FBXL7: variants seen among roughly 807,000 people sequenced by gnomAD.
The protein encoded by FBXL7 is F-box/LRR-repeat protein 7.
In FBXL7, 12 loss-of-function variants were observed where a neutral mutation model predicts 38.3. The ratio of observed to expected loss-of-function variants is 0.31; its 90% CI spans 0.20 to 0.51. The LOEUF (loss-of-function observed/expected upper bound fraction) is 0.51. Among genes scored for constraint, FBXL7 ranks in the 20% least tolerant of loss-of-function variants. FBXL7 has a pLI of 0.98. For missense variants in FBXL7, 567 were observed against 676.4 expected, an observed-to-expected ratio of 0.84 and a Z score of 1.79; for synonymous variants, 297 against 300.9, an observed-to-expected ratio of 0.99 and a Z score of 0.13.
intron 2 of FBXL7, among the ~76,000 whole-genome samples, chr5:15,861,844 C>T (rs1310084460): frequency 6.6e-6 from 1 of 152,180 alleles, no homozygotes; most frequent in African/African-American, 2.4e-5. Flanking sequence ...TTATATCCGC[C>T]ATATTCCAAC....
At chr5:15,524,597 T>C (rs1390737725) in intron 1 of FBXL7, among the ~76,000 whole-genome samples, 1 of 152,224 alleles carries the variant, frequency 6.6e-6, no homozygotes, top group Non-Finnish European at 1.5e-5. Context: ...TTTACAGAGT[T>C]AGTTTTTTAT....
intron 2 of FBXL7, among the ~76,000 whole-genome samples, chr5:15,645,989 T>C (rs1741518690): frequency 6.6e-6 from 1 of 152,204 alleles, no homozygotes; most frequent in Non-Finnish European, 1.5e-5. Flanking sequence ...TTGGAGTCAT[T>C]GAGGTTTAAT....
intron 2 of FBXL7, among the ~76,000 whole-genome samples, chr5:15,819,977 T>C (rs1034032187): frequency 1.3e-5 from 2 of 152,114 alleles, no homozygotes; most frequent in Admixed American, 6.6e-5. Context: ...CAAAACAATA[T>C]TGGGAGGCCA....
intron 2 of FBXL7, among the ~76,000 whole-genome samples, chr5:15,827,349 A>G (rs182641936): frequency 6.6e-6 from 1 of 152,160 alleles, no homozygotes; most frequent in Admixed American, 6.5e-5. Flanking sequence ...TTAAAACAGA[A>G]ATCTTCATTT....
At chr5:15,922,787 A>C (rs1369780010) in intron 2 of FBXL7, among the ~76,000 whole-genome samples, 1 of 152,232 alleles carries the variant, frequency 6.6e-6, no homozygotes, top group Admixed American at 6.5e-5. Flanking sequence ...GCTAATTTTC[A>C]TATAAATGTA....
At chr5:15,839,837 C>T (rs1008816908) in intron 2 of FBXL7, among the ~76,000 whole-genome samples, 1 of 152,100 alleles carries the variant, frequency 6.6e-6, no homozygotes, top group Non-Finnish European at 1.5e-5. Context: ...AGATCCAAGC[C>T]CCCCACTTTT....
intron 2 of FBXL7, among the ~76,000 whole-genome samples, chr5:15,921,584 T>A (rs6892388): frequency 6.6e-6 from 1 of 151,962 alleles, no homozygotes; most frequent in African/African-American, 2.4e-5. Context: ...GCTCAAAGAC[T>A]GCCTGCTGGA....
intron 2 of FBXL7, among the ~76,000 whole-genome samples, chr5:15,840,061 A>G (rs1272559828): frequency 6.6e-6 from 1 of 152,060 alleles, no homozygotes; most frequent in African/African-American, 2.4e-5. Flanking sequence ...CTCTTGTTGC[A>G]TTTTTATAAA....
At chr5:15,691,257 T>C (rs1049914009) in intron 2 of FBXL7, among the ~76,000 whole-genome samples, 1 of 152,148 alleles carries the variant, frequency 6.6e-6, no homozygotes, top group African/African-American at 2.4e-5. Context: ...ACACCAAGGG[T>C]TGGCCTAGCA....
Position 15,832,559 on chromosome 5 carries a change from C to T in FBXL7, c.128-95331C>T, listed in dbSNP as rs1021756335. 1.5e-4 allele frequency among the ~76,000 whole-genome samples: 23 copies of T among 152,134 alleles called. 1 individual carries two copies. Among genetic ancestry groups the T allele is most frequent in the Admixed American group, 1.0e-3 (16 of 15,274 alleles). ...TACAAGGCATTTGAGTTAACCATCT[C>T]GAAAACAGCTAGTTTAAGGAGGTTT... On this transcript the variant is annotated intron_variant, in intron 2 of 3. Transcript: ENST00000504595.
rs546843116 is a variant in FBXL7, at chr5:15,635,030, A to G, written c.127+18958A>G. ...GGTTCATGAGATTAGAATGTGGACAATTTTTTTTTTTGGAGGGGGCATTAT... is the reference window on the plus strand; with the variant it reads ...GGTTCATGAGATTAGAATGTGGACAGTTTTTTTTTTTGGAGGGGGCATTAT... On this transcript the variant is annotated intron_variant, in intron 2 of 3. Coordinates refer to ENST00000504595, the MANE Select transcript of FBXL7 (RefSeq NM_012304.5). Among the ~76,000 whole-genome samples, 8 of 149,782 alleles carry G rather than the reference A, an allele frequency of 5.3e-5. No individual in the cohort carries two copies. The South Asian group carries it at 1.7e-3, about 31-fold the overall frequency.
chr5:15,743,066 A>G (rs1339392095), intron 2 of FBXL7, among the ~76,000 whole-genome samples: 3 of 152,162 alleles, frequency 2.0e-5, no homozygotes, highest in Admixed American at 6.5e-5. Context: ...ACGATTCAAG[A>G]TGAGATTTGG....
chr5:15,795,619 A>G (rs904885920), intron 2 of FBXL7, among the ~76,000 whole-genome samples: 3 of 152,246 alleles, frequency 2.0e-5, no homozygotes, highest in African/African-American at 7.2e-5. Flanking sequence ...TCACAGAGTT[A>G]TCTGCCAACT....
chr5:15,853,977 C>CA (rs1739179372), intron 2 of FBXL7, among the ~76,000 whole-genome samples: 1 of 152,146 alleles, frequency 6.6e-6, no homozygotes, highest in Non-Finnish European at 1.5e-5. Flanking sequence ...AGCGATGTAA[C>CA]AGATTGTTTT....
chr5:15,691,390 G>T (rs983599020), intron 2 of FBXL7, among the ~76,000 whole-genome samples: 10 of 152,186 alleles, frequency 6.6e-5, no homozygotes, highest in South Asian at 2.1e-4. Flanking sequence ...TCTAAAGCTC[G>T]AATGATGCCC....
intron 1 of FBXL7, among the ~76,000 whole-genome samples, chr5:15,555,622 A>G (rs1022615742): frequency 6.6e-6 from 1 of 152,030 alleles, no homozygotes; most frequent in African/African-American, 2.4e-5. Context: ...AGGAAATTTT[A>G]TACCCTTTTT....
At chr5:15,541,443 G>GTATATATATATATATATA (rs56810372) in intron 1 of FBXL7, among the ~76,000 whole-genome samples, 15 of 38,442 alleles carry the variant, frequency 3.9e-4, no homozygotes, top group Non-Finnish European at 5.3e-4. Flanking sequence ...GTGTGTGTGT[G>GTATATATATATATATATA]TATATATATA....
intron 1 of FBXL7, among the ~76,000 whole-genome samples, chr5:15,586,317 C>T (rs1212207899): frequency 7.2e-6 from 1 of 138,738 alleles, no homozygotes; most frequent in Non-Finnish European, 1.5e-5. Flanking sequence ...TCACCTCCCC[C>T]TCCACCTCCC....
chr5:15,598,236 C>A (rs1039461382), intron 1 of FBXL7, among the ~76,000 whole-genome samples: 1 of 152,196 alleles, frequency 6.6e-6, no homozygotes, highest in African/African-American at 2.4e-5. Flanking sequence ...TTATCAGATT[C>A]ATCATGTGGC....
Sources: gnomAD v4.1 joint callset for allele counts (sites outside exome capture counted in the v4.1 genomes callset) on GRCh38, gnomAD v4.1.1 for gene constraint, MANE v1.5 for transcripts, NCBI Gene and HGNC (gene_info 2026-07-23, HGNC 2026-07-21) for gene names.